Variants in NEK10 observed in about 807,000 individuals in gnomAD.
NEK10 encodes the protein serine/threonine-protein kinase Nek10.
NEK10 carries 122 observed loss-of-function variants against 159.8 expected under a neutral mutation model. The ratio of observed to expected loss-of-function variants is 0.76; its 90% CI spans 0.66 to 0.89. The LOEUF is 0.89. NEK10 is among the 40% of genes least tolerant of loss of function. The probability of loss-of-function intolerance (pLI) is 0.00; values close to 1 mark genes in which losing one functional copy is unlikely to be tolerated. For missense variants in NEK10, 1,342 were observed against 1,323.1 expected (o/e 1.01, Z -0.22); for synonymous variants, 466 against 457.1 (o/e 1.02, Z -0.25).
At chr3:27,204,275 C>CTTTTTTTTTTTTTTTTTTTTTTTT (rs1203026508) in intron 23 of NEK10, among the ~76,000 whole-genome samples, 21 of 63,904 alleles carry the variant, frequency 3.3e-4, no homozygotes, top group Non-Finnish European at 5.0e-4. Context: ...GATAAATTTT[C>CTTTTTTTTTTTTTTTTTTTTTTTT]TTTTTTTTTT....
intron 3 of NEK10, among the ~76,000 whole-genome samples, chr3:27,349,737 G>A (rs1419794911): frequency 6.6e-6 from 1 of 152,160 alleles, no homozygotes; most frequent in African/African-American, 2.4e-5. Context: ...AAGCTCTGGT[G>A]ACATCTCCAA....
chr3:27,206,598 A>G (rs1950564728), intron 23 of NEK10: 1 of 985,236 alleles, frequency 1.0e-6, no homozygotes, highest in African/African-American at 1.7e-5. Flanking sequence ...TTTCATTCAC[A>G]TCCAAGTCTT....
chr3:27,313,799 G>A (rs1442978623), intron 7 of NEK10, among the ~76,000 whole-genome samples: 3 of 151,916 alleles, frequency 2.0e-5, no homozygotes, highest in African/African-American at 4.8e-5. Flanking sequence ...TGCAACCTCC[G>A]CCCCCCAGGT....
chr3:27,249,381 C>A (rs1955426295), intron 23 of NEK10, among the ~76,000 whole-genome samples: 1 of 152,058 alleles, frequency 6.6e-6, no homozygotes, highest in African/African-American at 2.4e-5. Flanking sequence ...AATAATATTT[C>A]TTTTATATAT....
chr3:27,232,021 A>G (rs1303985249), intron 23 of NEK10, among the ~76,000 whole-genome samples: 1 of 151,948 alleles, frequency 6.6e-6, no homozygotes, highest in Non-Finnish European at 1.5e-5. Flanking sequence ...AAACCAGGAA[A>G]GGACATAACA....
intron 15 of NEK10, among the ~76,000 whole-genome samples, chr3:27,294,706 T>C (rs1164095815): frequency 6.6e-6 from 1 of 152,136 alleles, no homozygotes; most frequent in Non-Finnish European, 1.5e-5. Context: ...TCATTTTGGA[T>C]GATAACTCTT....
chr3:27,116,113 T>C lies in NEK10; in HGVS notation c.3205A>G (p.Ile1069Val). The C allele has an allele frequency of 6.2e-7, 1 of 1,613,558 alleles. No individual in the cohort carries two copies. The highest frequency in any genetic ancestry group is 8.5e-7 in the Non-Finnish European group (1 of 1,179,696). ...PNDPTGLPTS[I>V]ELEEGITYEQ... ...TATGTTATTCCTTCCTCCAATTCAA[T>C]GCTGGTTGGTAAACCTAAAAAAGAT... The change falls in exon 34 of 36, where the codon ATT becomes GTT. Residue 1069 changes from isoleucine (I) to valine (V), a missense_variant. By Grantham distance (29) the Ile-to-Val change is conservative. Transcript: ENST00000691995.
intron 3 of NEK10, among the ~76,000 whole-genome samples, chr3:27,348,809 A>C (rs1453990085): frequency 6.6e-6 from 1 of 152,072 alleles, no homozygotes; most frequent in Non-Finnish European, 1.5e-5. Context: ...ACATCTATTA[A>C]TCTTTGTGTT....
chr3:27,221,266 A>G (rs1952072079), intron 23 of NEK10, among the ~76,000 whole-genome samples: 1 of 152,246 alleles, frequency 6.6e-6, no homozygotes, highest in Non-Finnish European at 1.5e-5. Flanking sequence ...TATCTGATAC[A>G]TATCTGCTTT....
chr3:27,269,601 A>G (rs536829677), intron 22 of NEK10, among the ~76,000 whole-genome samples: 1 of 152,220 alleles, frequency 6.6e-6, no homozygotes, highest in South Asian at 2.1e-4. Flanking sequence ...TATTGCACAC[A>G]AATAGACTAT....
chr3:27,107,473 T>TCAAC lies in NEK10; in HGVS notation c.*3795_*3798dup, dbSNP rs746508471. Among the ~76,000 whole-genome samples, 3 of 152,190 alleles carry TCAAC rather than the reference T, an allele frequency of 2.0e-5. No individual in the cohort carries two copies. Among genetic ancestry groups the TCAAC allele is most frequent in the Non-Finnish European group, 4.4e-5 (3 of 68,026 alleles). On this transcript the variant is annotated 3_prime_UTR_variant, in exon 36 of 36. Coordinates refer to ENST00000691995, the MANE Select transcript of NEK10 (RefSeq NM_001394966.1). ...GTAAGCATATTGTTAGCAACACATT[T>TCAAC]CAACTGAAAAAATAATCTACCCAAA...
chr3:27,271,198 CCTAT>C (rs1195061653), intron 22 of NEK10, among the ~76,000 whole-genome samples: 1 of 140,766 alleles, frequency 7.1e-6, no homozygotes, highest in Non-Finnish European at 1.6e-5. Flanking sequence ...TATCTATCTA[CCTAT>C]CTATCTGTCT....
At chr3:27,299,172 C>T (rs935351567) in intron 13 of NEK10, among the ~76,000 whole-genome samples, 7 of 152,084 alleles carry the variant, frequency 4.6e-5, no homozygotes, top group Non-Finnish European at 5.9e-5. Context: ...GAGGGAAAAA[C>T]GGTTTCATGG....
At chr3:27,236,816 C>T (rs1324570277) in intron 23 of NEK10, among the ~76,000 whole-genome samples, 1 of 152,138 alleles carries the variant, frequency 6.6e-6, no homozygotes, top group Non-Finnish European at 1.5e-5. Flanking sequence ...TTCAGCTGTG[C>T]ACATATTGTC....
chr3:27,207,107 T>C (rs769602915), intron 23 of NEK10, among the ~76,000 whole-genome samples: 3 of 152,240 alleles, frequency 2.0e-5, no homozygotes, highest in Non-Finnish European at 4.4e-5. Context: ...ACCTTTCTGA[T>C]GTCAAGAGCT....
At position 27,290,609 on chromosome 3, in the gene NEK10, A is replaced by T; in HGVS notation, c.1743+8T>A. 6.3e-7 allele frequency: 1 copy of T among 1,574,998 alleles called. No homozygotes were observed. The highest frequency in any genetic ancestry group is 1.9e-5 in the Admixed American group (1 of 53,082). ...AAAAACATCTTCAGAAACAAGGAAA[A>T]CATTTACCTGCTCTTTAATTATTGT... On this transcript the variant is annotated splice_region_variant and intron_variant, in intron 19 of 35. Coordinates refer to ENST00000691995, the MANE Select transcript of NEK10 (RefSeq NM_001394966.1).
chr3:27,178,571 G>A (rs1209800403), intron 26 of NEK10, among the ~76,000 whole-genome samples: 1 of 152,196 alleles, frequency 6.6e-6, no homozygotes, highest in Admixed American at 6.5e-5. Flanking sequence ...TCCAGCTGAG[G>A]TGATCTTTTA....
intron 30 of NEK10, among the ~76,000 whole-genome samples, chr3:27,157,763 T>C (rs1945627178): frequency 6.6e-6 from 1 of 152,188 alleles, no homozygotes; most frequent in Non-Finnish European, 1.5e-5. Context: ...GAAACTTTTG[T>C]GAAAGACTGA....
intron 6 of NEK10, among the ~76,000 whole-genome samples, chr3:27,320,472 G>A (rs141533758): frequency 3.9e-5 from 6 of 152,218 alleles, no homozygotes; most frequent in African/African-American, 7.2e-5. Context: ...AATAAAAGAC[G>A]GCACTATGAA....
Sources: gnomAD v4.1 joint callset for allele counts (sites outside exome capture counted in the v4.1 genomes callset) on GRCh38, gnomAD v4.1.1 for gene constraint, MANE v1.5 for transcripts, NCBI Gene and HGNC (gene_info 2026-07-23, HGNC 2026-07-21) for gene names.